Variants in XRRA1 observed in about 807,000 individuals in gnomAD.
The protein encoded by XRRA1 is X-ray radiation resistance-associated protein 1.
A neutral mutation model predicts 80.2 loss-of-function variants in XRRA1; 69 were observed. That is an observed-to-expected ratio of 0.86 (90% CI 0.71 to 1.05). The LOEUF is 1.05. Among genes scored for constraint, XRRA1 ranks in the 50% least tolerant of loss-of-function variants. The pLI is 0.00. For missense variants in XRRA1, 967 were observed against 976.4 expected (o/e 0.99, Z 0.13); for synonymous variants, 348 against 389.9 (o/e 0.89, Z 1.27).
chr11:74,860,524 A>AT (rs1196024100), intron 11 of XRRA1, among the ~76,000 whole-genome samples: 1 of 152,224 alleles, frequency 6.6e-6, no homozygotes, highest in Non-Finnish European at 1.5e-5. Context: ...GGTGCATCTG[A>AT]TTTTAATAGA....
chr11:74,851,904 C>T (rs1341444584), intron 13 of XRRA1, 85 bp downstream of exon 13: 2 of 1,147,588 alleles, frequency 1.7e-6, no homozygotes, highest in East Asian at 2.4e-5. Flanking sequence ...GATCCCAGGG[C>T]TTGGCATTGA....
At chr11:74,923,189 G>A (rs1048615781) in intron 7 of XRRA1, among the ~76,000 whole-genome samples, 1 of 152,166 alleles carries the variant, frequency 6.6e-6, no homozygotes, top group Non-Finnish European at 1.5e-5. Flanking sequence ...GACATTCAGG[G>A]CAGAAAGTGG....
chr11:74,900,192 A>AAAG (rs1565362142), intron 10 of XRRA1, among the ~76,000 whole-genome samples: 1 of 151,790 alleles, frequency 6.6e-6, no homozygotes, highest in East Asian at 1.9e-4. Context: ...TAAATAAATA[A>AAAG]AATAATAATA....
intron 5 of XRRA1, chr11:74,933,414 G>A: frequency 6.0e-6 from 1 of 165,668 alleles, no homozygotes; most frequent in Non-Finnish European, 1.3e-5. Context: ...CTGCTACCAT[G>A]CTTGGCTGAT....
At chr11:74,890,569 A>C (rs1291894152) in intron 10 of XRRA1, among the ~76,000 whole-genome samples, 1 of 152,104 alleles carries the variant, frequency 6.6e-6, no homozygotes, top group East Asian at 1.9e-4. Context: ...AACTGAAGGA[A>C]ATAGAGACAC....
Position 74,891,354 on chromosome 11 carries a change from C to G in XRRA1, c.1003+14885G>C, listed in dbSNP as rs1393031527. On this transcript the variant is annotated intron_variant, in intron 10 of 18. Transcript: ENST00000684022. Reference sequence around the variant, plus strand: ...AAAGGCCTTTGACAAAATTCAACAGCCCTTCATGCTAAAAACTCTCAATAA... The same window carrying G: ...AAAGGCCTTTGACAAAATTCAACAGGCCTTCATGCTAAAAACTCTCAATAA... Among the ~76,000 whole-genome samples, 3 of 152,142 alleles carry G rather than the reference C, an allele frequency of 2.0e-5. No individual in the cohort carries two copies. In the South Asian group the frequency reaches 6.2e-4, roughly 31 times the overall value.
At chr11:74,879,655 C>T (rs1590919860) in intron 10 of XRRA1, among the ~76,000 whole-genome samples, 2 of 152,088 alleles carry the variant, frequency 1.3e-5, no homozygotes, top group East Asian at 1.9e-4. Flanking sequence ...ACCTAATTTA[C>T]TGAGAGTTTT....
At chr11:74,844,415 C>T (rs2037439611) in intron 16 of XRRA1, 132 bp from the exon 17 acceptor site, 1 of 669,042 alleles carries the variant, frequency 1.5e-6, no homozygotes, top group Non-Finnish European at 2.6e-6. Context: ...AAAGAAAACA[C>T]TGCCCCCAGG....
At chr11:74,940,699 G>T in intron 3 of XRRA1, 86 bp downstream of exon 3, 1 of 1,079,110 alleles carries the variant, frequency 9.3e-7, no homozygotes, top group Non-Finnish European at 1.4e-6. Context: ...GTAGTGAAGG[G>T]GTTGGAGAAG....
At chr11:74,862,241 G>A (rs2042454579) in intron 11 of XRRA1, among the ~76,000 whole-genome samples, 1 of 152,192 alleles carries the variant, frequency 6.6e-6, no homozygotes. Flanking sequence ...GTATAAGTGA[G>A]CCTTGGTGGA....
At chr11:74,885,081 C>T (rs903709339) in intron 10 of XRRA1, among the ~76,000 whole-genome samples, 2 of 151,906 alleles carry the variant, frequency 1.3e-5, no homozygotes, top group African/African-American at 4.8e-5. Flanking sequence ...CTGGGCAACA[C>T]AGTGAGACCT....
chr11:74,872,343 T>C (rs1171115974), intron 10 of XRRA1, among the ~76,000 whole-genome samples: 1 of 152,092 alleles, frequency 6.6e-6, no homozygotes, highest in Admixed American at 6.5e-5. Flanking sequence ...GCTCCCAATA[T>C]TAGAAGGAAA....
chr11:74,933,137 T>A (rs941984165), intron 5 of XRRA1: 1 of 152,232 alleles, frequency 6.6e-6, no homozygotes, highest in Non-Finnish European at 1.5e-5. Context: ...ATTGCTGGCA[T>A]TGAAACTTAA....
intron 10 of XRRA1, among the ~76,000 whole-genome samples, chr11:74,900,688 G>C (rs573933465): frequency 2.4e-4 from 37 of 152,266 alleles, no homozygotes; most frequent in African/African-American, 8.9e-4. Flanking sequence ...CACATCAACA[G>C]AATGAAGGAC....
chr11:74,849,294 G>A (rs1385686324), intron 14 of XRRA1, among the ~76,000 whole-genome samples: 1 of 152,166 alleles, frequency 6.6e-6, no homozygotes, highest in Non-Finnish European at 1.5e-5. Flanking sequence ...TATCCTTTGA[G>A]CACCTATTTC....
At chr11:74,866,909 C>T (rs1282346548) in intron 10 of XRRA1, among the ~76,000 whole-genome samples, 2 of 152,080 alleles carry the variant, frequency 1.3e-5, no homozygotes, top group Non-Finnish European at 1.5e-5. Flanking sequence ...ATGAGAAAGA[C>T]AAAAGGGGTA....
At chr11:74,898,227 G>T (rs1416246167) in intron 10 of XRRA1, among the ~76,000 whole-genome samples, 1 of 152,032 alleles carries the variant, frequency 6.6e-6, no homozygotes, top group Admixed American at 6.6e-5. Context: ...GATAGTATTT[G>T]CAAGCCTTAT....
intron 18 of XRRA1, 78 bp from the exon 19 acceptor site, chr11:74,843,531 G>A (rs2036997181): frequency 6.6e-7 from 1 of 1,520,792 alleles, no homozygotes; most frequent in East Asian, 2.4e-5. Context: ...ATTGGGTCCA[G>A]AGACCCTTGG....
chr11:74,893,843 C>A (rs866777505), intron 10 of XRRA1, among the ~76,000 whole-genome samples: 2 of 152,296 alleles, frequency 1.3e-5, no homozygotes, highest in African/African-American at 4.8e-5. Flanking sequence ...TTTGCAACTT[C>A]TGAAAGAACT....
Sources: gnomAD v4.1 joint callset for allele counts (sites outside exome capture counted in the v4.1 genomes callset) on GRCh38, gnomAD v4.1.1 for gene constraint, MANE v1.5 for transcripts, NCBI Gene and HGNC (gene_info 2026-07-23, HGNC 2026-07-21) for gene names.